LRRC4C: variants seen among roughly 807,000 people sequenced by gnomAD.
LRRC4C encodes leucine-rich repeat-containing protein 4C.
In LRRC4C, 5 loss-of-function variants were observed where a neutral mutation model predicts 33.6. The ratio of observed to expected loss-of-function variants is 0.15; its 90% CI spans 0.08 to 0.31. The LOEUF (loss-of-function observed/expected upper bound fraction) is 0.31, where lower values mean the gene tolerates loss of function less well. Ranked by LOEUF, LRRC4C falls within the 10% of genes least tolerant of loss-of-function variation. The pLI is 1.00. For missense variants in LRRC4C, 560 were observed against 796.7 expected, an observed-to-expected ratio of 0.70 and a Z score of 3.58; for synonymous variants, 329 against 302.0, an observed-to-expected ratio of 1.09 and a Z score of -0.93.
chr11:40,977,977 T>G (rs906911489), intron 1 of LRRC4C, among the ~76,000 whole-genome samples: 1 of 152,144 alleles, frequency 6.6e-6, no homozygotes, highest in Admixed American at 6.5e-5. Flanking sequence ...AAATCTAACA[T>G]AAAATATTGT....
chr11:40,338,283 A>C (rs1412649651), intron 3 of LRRC4C, among the ~76,000 whole-genome samples: 2 of 152,176 alleles, frequency 1.3e-5, no homozygotes, highest in East Asian at 3.9e-4. Context: ...TGTAGTTAAG[A>C]TATGTTTTGG....
At chr11:40,815,966 T>C (rs141744892) in intron 2 of LRRC4C, among the ~76,000 whole-genome samples, 8 of 152,318 alleles carry the variant, frequency 5.3e-5, no homozygotes, top group African/African-American at 1.9e-4. Context: ...CAAAATTATT[T>C]AATGCGATTT....
intron 3 of LRRC4C, among the ~76,000 whole-genome samples, chr11:40,612,037 A>G (rs567521698): frequency 1.8e-4 from 27 of 151,868 alleles, no homozygotes; most frequent in African/African-American, 6.0e-4. Flanking sequence ...CCCATTTCTG[A>G]GTATTTCTAA....
chr11:40,791,299 G>A (rs1370287024), intron 2 of LRRC4C, among the ~76,000 whole-genome samples: 1 of 152,094 alleles, frequency 6.6e-6, no homozygotes, highest in African/African-American at 2.4e-5. Flanking sequence ...TAAATACTTT[G>A]CATCTTTCAC....
At chr11:40,916,918 C>T (rs1319924825) in intron 2 of LRRC4C, among the ~76,000 whole-genome samples, 4 of 151,892 alleles carry the variant, frequency 2.6e-5, no homozygotes, top group Admixed American at 2.6e-4. Flanking sequence ...TTGCAATAGA[C>T]AAAATGCAGT....
At position 40,115,859 on chromosome 11, in the gene LRRC4C, A is replaced by G. The variant is rs1458845264; in HGVS notation, c.434T>C (p.Val145Ala). The G allele has an allele frequency of 6.2e-7, 1 of 1,614,162 alleles. No individual in the cohort carries two copies. The highest frequency in any genetic ancestry group is 1.7e-5 in the Admixed American group (1 of 60,024). Reference protein sequence around the residue: ...RLTTIPNGAFVYLSKLKELWL... With the variant: ...RLTTIPNGAFAYLSKLKELWL... ...GAGCTCCTTCAGTTTAGACAAGTATACAAAAGCTCCATTCGGGATGGTAGT... is the reference window on the plus strand; with the variant it reads ...GAGCTCCTTCAGTTTAGACAAGTATGCAAAAGCTCCATTCGGGATGGTAGT... The change falls in exon 7 of 7, where the codon GTA becomes GCA. Residue 145 changes from valine (V) to alanine (A), a missense_variant. Physicochemically the swap from Val to Ala is moderately conservative, Grantham distance 64. Transcript: ENST00000528697. The surrounding 1 kb of genome is among the most constrained non-coding windows in gnomAD (Gnocchi z 6.7).
At position 40,169,226 on chromosome 11, in the gene LRRC4C, T is replaced by C. The variant is rs1252657228; in HGVS notation, c.-95-28373A>G. ...GAACCTAGTATTCTGAAGGAGTTCA[T>C]GGATCCTGTTAACTAGTTCATTTGC... On this transcript the variant is annotated intron_variant, in intron 5 of 6. Transcript: ENST00000528697. 3.3e-5 allele frequency among the ~76,000 whole-genome samples: 5 copies of C among 152,334 alleles called. 1 individual carries two copies. In the South Asian group the frequency reaches 8.3e-4, roughly 25 times the overall value.
At chr11:40,773,578 T>C (rs1012311189) in intron 2 of LRRC4C, among the ~76,000 whole-genome samples, 3 of 152,012 alleles carry the variant, frequency 2.0e-5, no homozygotes, top group African/African-American at 7.2e-5. Context: ...TCATAATACA[T>C]ATATGAATAA....
At chr11:41,065,341 T>C (rs1182522449) in intron 1 of LRRC4C, among the ~76,000 whole-genome samples, 1 of 152,096 alleles carries the variant, frequency 6.6e-6, no homozygotes, top group African/African-American at 2.4e-5. Context: ...CCAGACTGCT[T>C]CTCTAGATTC....
chr11:40,212,108 T>G (rs1863644924), intron 5 of LRRC4C, among the ~76,000 whole-genome samples: 2 of 152,218 alleles, frequency 1.3e-5, no homozygotes, highest in Non-Finnish European at 2.9e-5. Flanking sequence ...CTAAGAGTCA[T>G]GTTTATTTGC....
intron 1 of LRRC4C, among the ~76,000 whole-genome samples, chr11:41,286,994 A>G (rs536676551): frequency 6.6e-6 from 1 of 152,314 alleles, no homozygotes; most frequent in Admixed American, 6.5e-5. Context: ...AAGCTTCAGC[A>G]ATTTATTACC....
chr11:40,866,952 C>T (rs921288429), intron 2 of LRRC4C, among the ~76,000 whole-genome samples: 1 of 151,970 alleles, frequency 6.6e-6, no homozygotes, highest in Non-Finnish European at 1.5e-5. Flanking sequence ...TTTGTTCCTT[C>T]GTCTTTCCTC....
chr11:40,648,851 A>C (rs1303888789), intron 2 of LRRC4C, among the ~76,000 whole-genome samples: 1 of 152,202 alleles, frequency 6.6e-6, no homozygotes, highest in Non-Finnish European at 1.5e-5. Context: ...ATAAAGAGAA[A>C]GAGTACAAAG....
intron 1 of LRRC4C, among the ~76,000 whole-genome samples, chr11:41,106,878 T>A (rs1290369070): frequency 6.6e-6 from 1 of 151,802 alleles, no homozygotes; most frequent in African/African-American, 2.4e-5. Flanking sequence ...AAAATAGACA[T>A]GGTGGTGTTC....
chr11:40,237,758 T>C (rs1246281846), intron 5 of LRRC4C, among the ~76,000 whole-genome samples: 1 of 152,162 alleles, frequency 6.6e-6, no homozygotes, highest in Admixed American at 6.5e-5. Flanking sequence ...CCTTGAAGTT[T>C]GAGTATTGCC....
intron 6 of LRRC4C, among the ~76,000 whole-genome samples, chr11:40,117,037 G>A (rs78858488): frequency 0.011 from 1,636 of 152,212 alleles, 15 homozygotes; most frequent in Middle Eastern, 0.031. Flanking sequence ...AGTAGGAATT[G>A]CCATTCTTTT....
chr11:40,646,539 A>T (rs1396673283), intron 3 of LRRC4C, among the ~76,000 whole-genome samples: 4 of 152,234 alleles, frequency 2.6e-5, no homozygotes, highest in Admixed American at 2.6e-4. Context: ...ATAAATAGAA[A>T]GACCAAGTTT....
At chr11:41,241,132 T>C (rs1359373845) in intron 1 of LRRC4C, among the ~76,000 whole-genome samples, 4 of 152,186 alleles carry the variant, frequency 2.6e-5, no homozygotes, top group Admixed American at 1.3e-4. Flanking sequence ...TAGTGTTGAA[T>C]GATATCTCCT....
At chr11:40,725,231 G>T (rs980772470) in intron 2 of LRRC4C, among the ~76,000 whole-genome samples, 1 of 152,212 alleles carries the variant, frequency 6.6e-6, no homozygotes, top group Non-Finnish European at 1.5e-5. Context: ...TGGAGGCCGG[G>T]TGCAGTGGCT....
Sources: allele counts gnomAD v4.1 joint callset (sites outside exome capture counted in the v4.1 genomes callset), GRCh38; gene constraint gnomAD v4.1.1; non-coding constraint Gnocchi (gnomAD v3.1); transcripts MANE v1.5; gene names NCBI Gene and HGNC (gene_info 2026-07-23, HGNC 2026-07-21).